The following MSRB3 variants were observed in gnomAD, a reference collection of about 807,000 sequenced individuals.
MSRB3 encodes the protein methionine sulfoxide reductase B3.
In MSRB3, 13 loss-of-function variants were observed where a neutral mutation model predicts 21.0. The observed-to-expected ratio is 0.62, with a 90% CI of 0.40 to 0.98. MSRB3 has a LOEUF of 0.98. MSRB3 is among the 50% of genes least tolerant of loss of function. The probability of loss-of-function intolerance (pLI) is 0.00; values close to 1 mark genes in which losing one functional copy is unlikely to be tolerated. For missense variants in MSRB3, 199 were observed against 230.3 expected (o/e 0.86, Z 0.88); for synonymous variants, 87 against 88.6 (o/e 0.98, Z 0.10).
At chr12:65,395,117 A>G (rs1381000845) in intron 5 of MSRB3, among the ~76,000 whole-genome samples, 1 of 152,240 alleles carries the variant, frequency 6.6e-6, no homozygotes, top group Non-Finnish European at 1.5e-5. Flanking sequence ...AAAGGCACTC[A>G]GATTGGAAAG....
Position 65,326,842 on chromosome 12 carries a change from A to G in MSRB3, c.93A>G (p.Lys31=), listed in dbSNP as rs754385084. ...TCTTTTCAGGGTCGTGTAGGGATAA[A>G]AAGAACTGTAAGGTGGTCTTTTCCC... ...CGLPSGSCRD[K]KNCKVVFSQQ... is the part of the protein sequence containing the mutation. Residue 31 remains lysine (K), a synonymous_variant, in exon 3 of 7, where the codon AAA becomes AAG. Transcript: ENST00000308259. 1.1e-5 allele frequency: 17 copies of G among 1,613,284 alleles called. No homozygotes were observed. The East Asian group carries it at 1.1e-4, about 11-fold the overall frequency.
chr12:65,406,163 CT>C (rs1880403323), intron 5 of MSRB3, among the ~76,000 whole-genome samples: 1 of 152,066 alleles, frequency 6.6e-6, no homozygotes, highest in African/African-American at 2.4e-5. Flanking sequence ...TGTCATCGAG[CT>C]TTCTCTCTGT....
chr12:65,395,951 C>A (rs1473747287), intron 5 of MSRB3, among the ~76,000 whole-genome samples: 1 of 152,080 alleles, frequency 6.6e-6, no homozygotes, highest in Non-Finnish European at 1.5e-5. Context: ...TTTCAAATAA[C>A]CCGCTTTTGG....
intron 5 of MSRB3, among the ~76,000 whole-genome samples, chr12:65,444,006 A>G (rs1009876627): frequency 2.6e-5 from 4 of 152,192 alleles, no homozygotes; most frequent in African/African-American, 9.7e-5. Flanking sequence ...TATTTTCTTT[A>G]TAATTCATTT....
intron 4 of MSRB3, among the ~76,000 whole-genome samples, chr12:65,362,688 T>G (rs931480328): frequency 2.0e-5 from 3 of 152,158 alleles, no homozygotes; most frequent in African/African-American, 7.2e-5. Flanking sequence ...TGCCCACTCT[T>G]CTTCAAATAA....
intron 5 of MSRB3, among the ~76,000 whole-genome samples, chr12:65,436,891 G>A (rs753103940): frequency 4.0e-5 from 6 of 151,794 alleles, no homozygotes; most frequent in Non-Finnish European, 8.8e-5. Flanking sequence ...TTCACTTAAC[G>A]GTGCACAGTA....
chr12:65,340,227 G>A (rs1174925850), intron 4 of MSRB3, among the ~76,000 whole-genome samples: 3 of 152,158 alleles, frequency 2.0e-5, no homozygotes, highest in Non-Finnish European at 4.4e-5. Flanking sequence ...AAACACAACA[G>A]ATGAATTTAA....
rs114648917 is a variant in MSRB3, at chr12:65,459,104, T to A, written c.391-4051T>A. ...ATGGGAGACTAATAAATCACTTAAC[T>A]TTTTGTAATATTTTTTTAAGGAAAC... On this transcript the variant is annotated intron_variant, in intron 6 of 6. Coordinates refer to ENST00000308259, the MANE Select transcript of MSRB3 (RefSeq NM_001031679.3). Among the ~76,000 whole-genome samples the A allele has an allele frequency of 3.7e-3, 482 of 128,676 alleles. 2 individuals are homozygous for A. The highest frequency in any genetic ancestry group is 0.014 in the Middle Eastern group (3 of 220). 84.4% of individuals were successfully genotyped at this position (128,676 alleles called of 152,430 possible).
intron 3 of MSRB3, among the ~76,000 whole-genome samples, chr12:65,327,738 ACT>A (rs1367641788): frequency 1.3e-5 from 2 of 152,056 alleles, no homozygotes; most frequent in African/African-American, 4.8e-5. Context: ...AACAGGCAAC[ACT>A]CTCTTCCTGT....
intron 5 of MSRB3, among the ~76,000 whole-genome samples, chr12:65,370,660 A>C (rs955157029): frequency 3.3e-5 from 5 of 152,228 alleles, no homozygotes; most frequent in African/African-American, 4.8e-5. Flanking sequence ...GTAAGTATTT[A>C]TCATGAAAAT....
chr12:65,400,984 A>T, intron 5 of MSRB3, among the ~76,000 whole-genome samples: 1 of 152,164 alleles, frequency 6.6e-6, no homozygotes, highest in South Asian at 2.1e-4. Context: ...ACTGTTTGTT[A>T]TGATTTCTGT....
chr12:65,355,113 AGATTAATT>A (rs1346862918), intron 4 of MSRB3, among the ~76,000 whole-genome samples: 3 of 151,898 alleles, frequency 2.0e-5, no homozygotes, highest in Non-Finnish European at 4.4e-5. Flanking sequence ...TTAGAAAAGG[AGATTAATT>A]TTTCTCCTTC....
chr12:65,343,033 A>G (rs886704171), intron 4 of MSRB3, among the ~76,000 whole-genome samples: 1 of 152,040 alleles, frequency 6.6e-6, no homozygotes. Context: ...TATCAGAAAA[A>G]CACTAATTAT....
chr12:65,407,805 A>G (rs1375924780), intron 5 of MSRB3, among the ~76,000 whole-genome samples: 1 of 151,756 alleles, frequency 6.6e-6, no homozygotes, highest in Non-Finnish European at 1.5e-5. Context: ...AAACTCCCAG[A>G]TTCTTTCCTC....
chr12:65,420,976 T>C (rs1286139833), intron 5 of MSRB3, among the ~76,000 whole-genome samples: 1 of 152,156 alleles, frequency 6.6e-6, no homozygotes, highest in Non-Finnish European at 1.5e-5. Flanking sequence ...ATTCCTTTGG[T>C]ATATCAGTAG....
intron 5 of MSRB3, among the ~76,000 whole-genome samples, chr12:65,451,093 A>G (rs1229577468): frequency 6.6e-6 from 1 of 152,154 alleles, no homozygotes; most frequent in Non-Finnish European, 1.5e-5. Flanking sequence ...CTCTTTTGAA[A>G]TGCGTTCCAC....
At chr12:65,359,688 A>G (rs553027530) in intron 4 of MSRB3, among the ~76,000 whole-genome samples, 2 of 152,300 alleles carry the variant, frequency 1.3e-5, no homozygotes, top group East Asian at 3.9e-4. Flanking sequence ...CAGCTGCCCA[A>G]TGGCCAAAAT....
chr12:65,456,956 A>G (rs1374750533), intron 6 of MSRB3, among the ~76,000 whole-genome samples: 1 of 151,974 alleles, frequency 6.6e-6, no homozygotes, highest in African/African-American at 2.4e-5. Flanking sequence ...TGTGTGTTCC[A>G]TTCACGTTTA....
chr12:65,307,502 T>C (rs1439738822), intron 1 of MSRB3, among the ~76,000 whole-genome samples: 1 of 152,168 alleles, frequency 6.6e-6, no homozygotes, highest in African/African-American at 2.4e-5. Flanking sequence ...GAACAAGACA[T>C]TAATTTTATA....
Sources: allele counts gnomAD v4.1 joint callset (sites outside exome capture counted in the v4.1 genomes callset), GRCh38; gene constraint gnomAD v4.1.1; transcripts MANE v1.5; gene names NCBI Gene and HGNC (gene_info 2026-07-23, HGNC 2026-07-21).